Variants in APLF observed in about 807,000 individuals in gnomAD.
APLF encodes aprataxin and PNKP like factor.
In APLF, 61 loss-of-function variants were observed where a neutral mutation model predicts 55.6. That is an observed-to-expected ratio of 1.10 (90% CI 0.89 to 1.36). The LOEUF is 1.36. APLF is among the 40% of genes most tolerant of loss of function. The probability of loss-of-function intolerance (pLI) is 0.00; values close to 1 mark genes in which losing one functional copy is unlikely to be tolerated. For synonymous variants in APLF, 207 were observed against 214.8 expected, an observed-to-expected ratio of 0.96 and a Z score of 0.32; for missense variants, 611 against 602.5, an observed-to-expected ratio of 1.01 and a Z score of -0.15.
intron 2 of APLF, among the ~76,000 whole-genome samples, chr2:68,491,124 T>C (rs893751725): frequency 1.3e-5 from 2 of 152,240 alleles, no homozygotes; most frequent in Admixed American, 6.5e-5. Context: ...AATTATTCAA[T>C]GTATTCACCT....
chr2:68,523,625 T>C (rs1669953158), intron 5 of APLF, among the ~76,000 whole-genome samples: 1 of 151,446 alleles, frequency 6.6e-6, no homozygotes, highest in African/African-American at 2.4e-5. Flanking sequence ...TAATGATACA[T>C]ATATATATAT....
chr2:68,513,414 T>A, intron 4 of APLF, 134 bp from the exon 5 acceptor site: 2 of 1,255,738 alleles, frequency 1.6e-6, no homozygotes, highest in Non-Finnish European at 1.1e-6. Context: ...ATAATTTCTT[T>A]GTTCAAGAAA....
chr2:68,525,262 C>T (rs1296734629), intron 5 of APLF, among the ~76,000 whole-genome samples: 1 of 151,602 alleles, frequency 6.6e-6, no homozygotes, highest in Admixed American at 6.6e-5. Flanking sequence ...TGCCACTGCA[C>T]TCCAGCCTGG....
intron 5 of APLF, 137 bp from the exon 6 acceptor site, chr2:68,525,924 A>G (rs1670031430): frequency 1.3e-6 from 1 of 770,798 alleles, no homozygotes; most frequent in Non-Finnish European, 2.0e-6. Context: ...TATCTTTTGT[A>G]TTTTCAGTAG....
chr2:68,567,456 C>T (rs1671338999), intron 9 of APLF, 69 bp downstream of exon 9: 2 of 1,209,534 alleles, frequency 1.7e-6, no homozygotes, highest in African/African-American at 3.2e-5. Context: ...ACCTAGTTTC[C>T]AGTTATTATG....
chr2:68,527,922 C>T (rs1670122369), intron 6 of APLF, among the ~76,000 whole-genome samples: 1 of 150,342 alleles, frequency 6.7e-6, no homozygotes, highest in Non-Finnish European at 1.5e-5. Flanking sequence ...AGAGGCACTC[C>T]TCACTGCCCA....
intron 9 of APLF, among the ~76,000 whole-genome samples, chr2:68,572,053 T>G (rs1019426055): frequency 8.0e-5 from 12 of 149,962 alleles, no homozygotes; most frequent in Non-Finnish European, 1.5e-4. Flanking sequence ...TTATATATAC[T>G]TTTTTATTCA....
chr2:68,494,104 T>C (rs896968987), intron 2 of APLF, among the ~76,000 whole-genome samples: 1 of 143,640 alleles, frequency 7.0e-6, no homozygotes, highest in Non-Finnish European at 1.5e-5. Flanking sequence ...TGAGACTCCG[T>C]CCCAAAAGAG....
chr2:68,493,284 G>A (rs1676426655), intron 2 of APLF, among the ~76,000 whole-genome samples: 1 of 152,084 alleles, frequency 6.6e-6, no homozygotes, highest in Admixed American at 6.5e-5. Context: ...GTGGGGAAGA[G>A]GAGTTTTTAT....
At chr2:68,485,772 A>G (rs1008354187) in intron 1 of APLF, among the ~76,000 whole-genome samples, 3 of 151,432 alleles carry the variant, frequency 2.0e-5, no homozygotes, top group Admixed American at 2.0e-4. Context: ...GAATCACAAA[A>G]TAATCCATGA....
At position 68,579,280 on chromosome 2, in the gene APLF, A is replaced by T. The variant is rs372817220; in HGVS notation, c.*1258A>T. On this transcript the variant is annotated 3_prime_UTR_variant, in exon 10 of 10. Transcript: ENST00000303795. ...TAAACATTTCTCTAGACTATAACCT[A>T]TTATTCTGATTTTTATCTCTTATTG... 1.3e-5 allele frequency: 11 copies of T among 854,018 alleles called. No individual in the cohort carries two copies. The African/African-American group carries it at 2.0e-4, about 16-fold the overall frequency. 52.9% of individuals were successfully genotyped at this position (854,018 alleles called of 1,614,324 possible). A position where few individuals can be genotyped will look rare whatever the true frequency, so the allele number is the denominator to read the frequency against.
chr2:68,471,733 C>T (rs979064402), intron 1 of APLF, among the ~76,000 whole-genome samples: 1 of 152,082 alleles, frequency 6.6e-6, no homozygotes, highest in African/African-American at 2.4e-5. Context: ...TAGATATAAT[C>T]ACTGATTTTT....
chr2:68,472,578 G>A (rs1381918278), intron 1 of APLF, among the ~76,000 whole-genome samples: 1 of 152,118 alleles, frequency 6.6e-6, no homozygotes, highest in Non-Finnish European at 1.5e-5. Context: ...GTACAGAGAG[G>A]TATAAGAAGG....
chr2:68,572,086 G>C (rs1355947327), intron 9 of APLF, among the ~76,000 whole-genome samples: 2 of 137,918 alleles, frequency 1.5e-5, no homozygotes, highest in Non-Finnish European at 3.0e-5. Context: ...AAAAGATCCA[G>C]AAAGAAAACT....
intron 8 of APLF, among the ~76,000 whole-genome samples, chr2:68,547,186 C>G (rs776586106): frequency 3.4e-4 from 51 of 151,772 alleles, no homozygotes; most frequent in Admixed American, 4.6e-4. Context: ...GTAGAAACCT[C>G]TATGAAGAAA....
chr2:68,469,443 G>A (rs988101523), intron 1 of APLF, among the ~76,000 whole-genome samples: 1 of 152,120 alleles, frequency 6.6e-6, no homozygotes. Flanking sequence ...TGTGAGATGA[G>A]CCTATTTGGT....
chr2:68,565,286 A>G (rs1378432592), intron 8 of APLF, among the ~76,000 whole-genome samples: 1 of 152,068 alleles, frequency 6.6e-6, no homozygotes, highest in Non-Finnish European at 1.5e-5. Flanking sequence ...TGCCCAACAA[A>G]TTATGATGGA....
chr2:68,511,944 A>G (rs527614676), intron 3 of APLF, among the ~76,000 whole-genome samples: 15 of 151,728 alleles, frequency 9.9e-5, no homozygotes, highest in Non-Finnish European at 1.8e-4. Flanking sequence ...TATTCCCTGT[A>G]TAAGAAATAC....
intron 6 of APLF, among the ~76,000 whole-genome samples, chr2:68,532,641 C>T (rs140228036): frequency 6.6e-6 from 1 of 152,274 alleles, no homozygotes; most frequent in East Asian, 1.9e-4. Context: ...AGTAACTTCT[C>T]TTCATAAGAC....
Sources: gnomAD v4.1 joint callset for allele counts (sites outside exome capture counted in the v4.1 genomes callset) on GRCh38, gnomAD v4.1.1 for gene constraint, MANE v1.5 for transcripts, NCBI Gene and HGNC (gene_info 2026-07-23, HGNC 2026-07-21) for gene names.